ATXN1: variants seen among roughly 807,000 people sequenced by gnomAD.
ATXN1 encodes ataxin 1.
ATXN1 carries 8 observed loss-of-function variants against 56.4 expected under a neutral mutation model. The ratio of observed to expected loss-of-function variants is 0.14; its 90% CI spans 0.08 to 0.26. ATXN1 has a LOEUF of 0.26. ATXN1 is among the 10% of genes least tolerant of loss of function. The probability of loss-of-function intolerance (pLI) is 1.00; values close to 1 mark genes in which losing one functional copy is unlikely to be tolerated. For missense variants in ATXN1, 987 were observed against 1,106.5 expected, an observed-to-expected ratio of 0.89 and a Z score of 1.53; for synonymous variants, 514 against 494.6, an observed-to-expected ratio of 1.04 and a Z score of -0.52.
At chr6:16,350,684 G>C (rs1761547020) in intron 6 of ATXN1, among the ~76,000 whole-genome samples, 1 of 152,170 alleles carries the variant, frequency 6.6e-6, no homozygotes, top group Admixed American at 6.5e-5. Context: ...TTGGCTCCTG[G>C]GAAATGATCT....
At chr6:16,725,150 G>C (rs1468356819) in intron 2 of ATXN1, among the ~76,000 whole-genome samples, 1 of 152,206 alleles carries the variant, frequency 6.6e-6, no homozygotes, top group Non-Finnish European at 1.5e-5. Flanking sequence ...AAATTAAAAT[G>C]AAAGTATGTT....
chr6:16,600,599 C>T (rs562341234), intron 3 of ATXN1, among the ~76,000 whole-genome samples: 11 of 152,224 alleles, frequency 7.2e-5, no homozygotes, highest in African/African-American at 2.4e-4. Flanking sequence ...GTTCAAGATT[C>T]GTGAGGATTT....
At chr6:16,425,710 A>G (rs1010246504) in intron 6 of ATXN1, among the ~76,000 whole-genome samples, 6 of 152,098 alleles carry the variant, frequency 3.9e-5, no homozygotes, top group Non-Finnish European at 7.4e-5. Context: ...TCAAAATTTA[A>G]GAATAAGAAG....
intron 4 of ATXN1, among the ~76,000 whole-genome samples, chr6:16,574,828 T>TC (rs1046475790): frequency 6.6e-6 from 1 of 151,960 alleles, no homozygotes; most frequent in African/African-American, 2.4e-5. Flanking sequence ...CAGGCTTTTT[T>TC]TTTTTTTTTC....
chr6:16,463,331 C>A (rs980705472), intron 6 of ATXN1, among the ~76,000 whole-genome samples: 3 of 152,172 alleles, frequency 2.0e-5, no homozygotes, highest in African/African-American at 7.2e-5. Flanking sequence ...ATTAACATTA[C>A]CGCAGGAAAT....
At chr6:16,687,693 C>CACACACAG (rs976854035) in intron 2 of ATXN1, among the ~76,000 whole-genome samples, 4 of 146,330 alleles carry the variant, frequency 2.7e-5, no homozygotes, top group Non-Finnish European at 6.1e-5. Flanking sequence ...CACACACACA[C>CACACACAG]ACGGAGGATA....
intron 6 of ATXN1, among the ~76,000 whole-genome samples, chr6:16,344,035 T>A (rs987034547): frequency 6.6e-6 from 1 of 152,224 alleles, no homozygotes; most frequent in South Asian, 2.1e-4. Flanking sequence ...AGTTCCCAGA[T>A]GCTGCTGATG....
chr6:16,387,307 C>G (rs1172757397), intron 6 of ATXN1, among the ~76,000 whole-genome samples: 1 of 152,180 alleles, frequency 6.6e-6, no homozygotes, highest in African/African-American at 2.4e-5. Context: ...ATCAGAAAGC[C>G]TGGATATGGC....
At chr6:16,344,022 C>A (rs190172677) in intron 6 of ATXN1, among the ~76,000 whole-genome samples, 1 of 152,172 alleles carries the variant, frequency 6.6e-6, no homozygotes, top group African/African-American at 2.4e-5. Flanking sequence ...CACATTCACC[C>A]GGAGTTCCCA....
intron 6 of ATXN1, among the ~76,000 whole-genome samples, chr6:16,392,021 G>A (rs564622154): frequency 1.6e-4 from 25 of 152,334 alleles, no homozygotes; most frequent in African/African-American, 6.0e-4. Flanking sequence ...GCAGGCACCA[G>A]GAGGCAGAGA....
At chr6:16,644,513 CAAAAA>C (rs368108627) in intron 3 of ATXN1, among the ~76,000 whole-genome samples, 1,648 of 92,208 alleles carry the variant, frequency 0.018, 19 homozygotes, top group Middle Eastern at 0.1. Flanking sequence ...GACTCCGTTT[CAAAAA>C]AAAAAAAAAA....
At chr6:16,357,923 C>G (rs1761724384) in intron 6 of ATXN1, among the ~76,000 whole-genome samples, 1 of 152,122 alleles carries the variant, frequency 6.6e-6, no homozygotes, top group Non-Finnish European at 1.5e-5. Flanking sequence ...ACCCATTTAG[C>G]TTTACGTGGC....
At chr6:16,376,160 A>T (rs2113498385) in intron 6 of ATXN1, among the ~76,000 whole-genome samples, 1 of 152,382 alleles carries the variant, frequency 6.6e-6, no homozygotes, top group South Asian at 2.1e-4. Flanking sequence ...ATATCTTAAG[A>T]CTTAGGAAGA....
At chr6:16,739,189 AC>A (rs1180876591) in intron 2 of ATXN1, 2 of 147,324 alleles carry the variant, frequency 1.4e-5, no homozygotes, top group Non-Finnish European at 3.0e-5. Context: ...AAAAAAAAAA[AC>A]CCTGACATTT....
At position 16,326,085 on chromosome 6, in the gene ATXN1, A is replaced by G. The variant is rs1017281011; in HGVS notation, c.1917+309T>C. Reference sequence around the variant, plus strand: ...ACCTGAAGTCCAGCAGCGTTTCCTAATCAGGGTTCCTCATCTTAATCACAG... The same window carrying G: ...ACCTGAAGTCCAGCAGCGTTTCCTAGTCAGGGTTCCTCATCTTAATCACAG... On this transcript the variant is annotated intron_variant, in intron 7 of 7. Transcript: ENST00000436367. This position sits in a 1 kb window ranked among gnomAD's most constrained non-coding sequence, Gnocchi z 6.6. Among the ~76,000 whole-genome samples, 7 of 152,180 alleles carry G rather than the reference A, an allele frequency of 4.6e-5. No homozygotes were observed. The highest frequency in any genetic ancestry group is 7.3e-5 in the Non-Finnish European group (5 of 68,044).
intron 7 of ATXN1, among the ~76,000 whole-genome samples, chr6:16,308,742 G>A (rs58423054): frequency 6.6e-6 from 1 of 152,138 alleles, no homozygotes; most frequent in African/African-American, 2.4e-5. Flanking sequence ...ATTTAAAAAA[G>A]GGGGGTGGTG....
At chr6:16,363,735 G>A (rs770834609) in intron 6 of ATXN1, among the ~76,000 whole-genome samples, 17 of 152,094 alleles carry the variant, frequency 1.1e-4, no homozygotes, top group Non-Finnish European at 2.4e-4. Flanking sequence ...AATCTATTAC[G>A]GATTTGTTTG....
intron 2 of ATXN1, among the ~76,000 whole-genome samples, chr6:16,684,362 G>A (rs1320111699): frequency 6.6e-6 from 1 of 152,148 alleles, no homozygotes; most frequent in Non-Finnish European, 1.5e-5. Flanking sequence ...AGGATTGTTT[G>A]ATTTAGTGGT....
chr6:16,304,064 CA>C lies in ATXN1; in HGVS notation c.*2264del. ...CTATTCTAGCTATTCTAAACCTATT[CA>C]AATGTTTTTGGTACACCCCAGAAAA... On this transcript the variant is annotated 3_prime_UTR_variant, in exon 8 of 8. Transcript: ENST00000436367. 1 of 152,408 alleles carries C rather than the reference CA, an allele frequency of 6.6e-6. No individual in the cohort carries two copies. Among genetic ancestry groups the C allele is most frequent in the East Asian group, 1.9e-4 (1 of 5,182 alleles). The allele number at this position is 152,408 out of a possible 1,614,324, so 9.4% of individuals were successfully genotyped here.
Sources: gnomAD v4.1 joint callset for allele counts (sites outside exome capture counted in the v4.1 genomes callset) on GRCh38, gnomAD v4.1.1 for gene constraint, Gnocchi (gnomAD v3.1) non-coding constraint, MANE v1.5 for transcripts, NCBI Gene and HGNC (gene_info 2026-07-23, HGNC 2026-07-21) for gene names.